Variants in IQGAP1 observed in about 807,000 individuals in gnomAD.
IQGAP1 encodes the protein ras GTPase-activating-like protein IQGAP1.
A neutral mutation model predicts 215.6 loss-of-function variants in IQGAP1; 66 were observed. That is an observed-to-expected ratio of 0.31 (90% CI 0.25 to 0.38). The LOEUF is 0.38. Ranked by LOEUF, IQGAP1 falls within the 10% of genes least tolerant of loss-of-function variation. IQGAP1 has a pLI of 1.00. For synonymous variants in IQGAP1, 772 were observed against 728.7 expected (o/e 1.06, Z -0.96); for missense variants, 1,712 against 1,997.1 (o/e 0.86, Z 2.72).
At chr15:90,409,065 G>C (rs1046337963) in intron 2 of IQGAP1, among the ~76,000 whole-genome samples, 1 of 151,698 alleles carries the variant, frequency 6.6e-6, no homozygotes, top group Non-Finnish European at 1.5e-5. Flanking sequence ...TGTCTTCTAG[G>C]GTTCTTATTC....
In IQGAP1 at chr15:90,452,708, A is replaced by T. The variant is rs1965621692; in HGVS notation, c.1163-67A>T. ...AGAATGTGATATTTTTCCCATGAAG[A>T]TTGGCACCTTCTTCCCCTGAGGGCT... On this transcript the variant is annotated intron_variant, in intron 11 of 37. Transcript: ENST00000268182. 1.5e-5 allele frequency: 23 copies of T among 1,516,016 alleles called. No homozygotes were observed. The Middle Eastern group carries it at 6.0e-4, about 40-fold the overall frequency. 93.9% of individuals were successfully genotyped at this position (1,516,016 alleles called of 1,614,324 possible). A position where few individuals can be genotyped will look rare whatever the true frequency, so the allele number is the denominator to read the frequency against.
At chr15:90,445,890 G>A (rs1259464536) in intron 9 of IQGAP1, among the ~76,000 whole-genome samples, 2 of 150,950 alleles carry the variant, frequency 1.3e-5, no homozygotes, top group Admixed American at 1.3e-4. Context: ...GGAGTGCAGT[G>A]GCACGATCTC....
intron 15 of IQGAP1, among the ~76,000 whole-genome samples, chr15:90,463,442 T>A (rs781017079): frequency 2.0e-4 from 31 of 152,236 alleles, no homozygotes; most frequent in Non-Finnish European, 3.5e-4. Flanking sequence ...TTCTGCTGCT[T>A]CTCTTGGAGA....
intron 9 of IQGAP1, among the ~76,000 whole-genome samples, chr15:90,447,482 A>G (rs1209169376): frequency 6.6e-6 from 1 of 152,160 alleles, no homozygotes; most frequent in Non-Finnish European, 1.5e-5. Flanking sequence ...AAACATTTGC[A>G]ATTGATAAGT....
rs1397235539 is a variant in IQGAP1, at chr15:90,484,301, C to T, written c.3870C>T (p.Leu1290=). ...NVDEYSDLVT[L]TKPVIYISIG... ...ATGAGTACTCTGATTTAGTAACCCTCACCAAACCAGTAATCTACATTTCCA... is the reference window on the plus strand; with the variant it reads ...ATGAGTACTCTGATTTAGTAACCCTTACCAAACCAGTAATCTACATTTCCA... Residue 1290 remains leucine (L), a synonymous_variant, in exon 30 of 38, where the codon CTC becomes CTT. Coordinates refer to ENST00000268182, the MANE Select transcript of IQGAP1 (RefSeq NM_003870.4). 2 of 1,612,654 alleles carry T rather than the reference C, an allele frequency of 1.2e-6. No individual in the cohort carries two copies. Among genetic ancestry groups the T allele is most frequent in the South Asian group, 1.1e-5 (1 of 91,056 alleles).
At chr15:90,494,012 G>A (rs1444998107) in intron 35 of IQGAP1, 1 of 152,170 alleles carries the variant, frequency 6.6e-6, no homozygotes, top group Non-Finnish European at 1.5e-5. Context: ...GACAGACCTA[G>A]ATTCTCATTT....
At chr15:90,419,184 C>T (rs1472122208) in intron 2 of IQGAP1, among the ~76,000 whole-genome samples, 1 of 150,672 alleles carries the variant, frequency 6.6e-6, no homozygotes, top group Non-Finnish European at 1.5e-5. Flanking sequence ...AGAATCACAC[C>T]AACTTGGGTT....
Position 90,426,149 on chromosome 15 carries a change from C to T in IQGAP1, c.195C>T (p.Thr65=). The change falls in exon 3 of 38, where the codon ACC becomes ACT. Residue 65 remains threonine (T), a synonymous_variant. Transcript: ENST00000268182. The stretch of plus-strand genomic sequence containing the variant: ...GCCTAGGGGAAGATCTGCCTCCCAC[C>T]ACAGAACTGGAGGAGGGGCTTAGGA... ...EACLGEDLPP[T]TELEEGLRNG... 6.2e-7 allele frequency: 1 copy of T among 1,605,792 alleles called. No individual in the cohort carries two copies. The highest frequency in any genetic ancestry group is 8.5e-7 in the Non-Finnish European group (1 of 1,176,636).
At chr15:90,392,823 C>T (rs574501543) in intron 2 of IQGAP1, among the ~76,000 whole-genome samples, 123 of 140,792 alleles carry the variant, frequency 8.7e-4, no homozygotes, top group African/African-American at 3.2e-3. Context: ...TGGCTCATTG[C>T]AACCTCCACC....
At chr15:90,412,550 T>C (rs1964981658) in intron 2 of IQGAP1, among the ~76,000 whole-genome samples, 1 of 152,138 alleles carries the variant, frequency 6.6e-6, no homozygotes, top group African/African-American at 2.4e-5. Context: ...TCAGTACCAT[T>C]TTCTCTGGGA....
In IQGAP1 at chr15:90,435,575, A is replaced by G. The variant is rs74859121; in HGVS notation, c.467+1780A>G. ...GCTTAGTGTTGCATGAGATTTGTCC[A>G]TGTTGATAATCTTGTGAAGGCCTTA... On this transcript the variant is annotated intron_variant, in intron 5 of 37. Coordinates refer to ENST00000268182, the MANE Select transcript of IQGAP1 (RefSeq NM_003870.4). 2.0e-4 allele frequency among the ~76,000 whole-genome samples: 30 copies of G among 152,346 alleles called. No individual in the cohort carries two copies. The East Asian group carries it at 5.2e-3, about 26-fold the overall frequency.
intron 23 of IQGAP1, 63 bp downstream of exon 23, chr15:90,474,756 C>A: frequency 8.1e-7 from 1 of 1,236,606 alleles, no homozygotes; most frequent in Non-Finnish European, 1.2e-6. Context: ...CCCTGCATTC[C>A]CCTTTCTGAC....
At chr15:90,391,469 G>C (rs1247594724) in intron 2 of IQGAP1, 1 of 152,336 alleles carries the variant, frequency 6.6e-6, no homozygotes, top group East Asian at 1.9e-4. Context: ...CAACTGTGGG[G>C]TGGAAATAGC....
chr15:90,448,260 C>T (rs1353677366), intron 9 of IQGAP1, among the ~76,000 whole-genome samples: 4 of 152,146 alleles, frequency 2.6e-5, no homozygotes, highest in East Asian at 1.9e-4. Context: ...GGAATTTAAG[C>T]GTCATGTTGG....
intron 24 of IQGAP1, 121 bp downstream of exon 24, chr15:90,476,939 A>T: frequency 7.7e-7 from 1 of 1,292,706 alleles, no homozygotes; most frequent in East Asian, 2.3e-5. Flanking sequence ...AGTGAGGGGC[A>T]CTGTAACATG....
In IQGAP1 at chr15:90,441,493, T is replaced by G. The variant is rs200510521; in HGVS notation, c.650-13T>G. The G allele has an allele frequency of 1.6e-4, 156 of 960,476 alleles. No individual in the cohort carries two copies. The highest frequency in any genetic ancestry group is 5.7e-4 in the African/African-American group (31 of 54,100). The allele number at this position is 960,476 out of a possible 1,614,324, so 59.5% of individuals were successfully genotyped here. A position where few individuals can be genotyped will look rare whatever the true frequency, so the allele number is the denominator to read the frequency against. Reference sequence around the variant, plus strand: ...GTGTTTTTGTTGGTTTGTTTTTTTGTTTTTTTTTTTAGTACATGCTGCTGT... The same window carrying G: ...GTGTTTTTGTTGGTTTGTTTTTTTGGTTTTTTTTTTAGTACATGCTGCTGT... On this transcript the variant is annotated splice_polypyrimidine_tract_variant and intron_variant, in intron 7 of 37. Coordinates refer to ENST00000268182, the MANE Select transcript of IQGAP1 (RefSeq NM_003870.4).
At chr15:90,400,030 T>C (rs932849053) in intron 2 of IQGAP1, among the ~76,000 whole-genome samples, 2 of 152,324 alleles carry the variant, frequency 1.3e-5, no homozygotes, top group Middle Eastern at 6.8e-3. Context: ...TTTTCCTTTT[T>C]TCGTGACTTG....
At chr15:90,456,532 G>C (rs1014624387) in intron 15 of IQGAP1, among the ~76,000 whole-genome samples, 8 of 152,036 alleles carry the variant, frequency 5.3e-5, no homozygotes, top group African/African-American at 1.9e-4. Context: ...TCTTTTGTTT[G>C]TTGTTGACAG....
chr15:90,394,757 G>C (rs1298187235), intron 2 of IQGAP1, among the ~76,000 whole-genome samples: 2 of 151,834 alleles, frequency 1.3e-5, no homozygotes, highest in Non-Finnish European at 2.9e-5. Flanking sequence ...ATAGAGATTG[G>C]AGGGAGAAAA....
Sources: allele counts gnomAD v4.1 joint callset (sites outside exome capture counted in the v4.1 genomes callset), GRCh38; gene constraint gnomAD v4.1.1; transcripts MANE v1.5; gene names NCBI Gene and HGNC (gene_info 2026-07-23, HGNC 2026-07-21).